The following ARPP21 variants were observed in gnomAD, a reference collection of about 807,000 sequenced individuals.
The protein encoded by ARPP21 is cAMP regulated phosphoprotein 21, also known as cAMP-regulated phosphoprotein 21.
A neutral mutation model predicts 113.2 loss-of-function variants in ARPP21; 69 were observed. That is an observed-to-expected ratio of 0.61 (90% CI 0.50 to 0.74). The LOEUF is 0.74. ARPP21 is among the 30% of genes least tolerant of loss of function. The probability of loss-of-function intolerance (pLI) is 0.00; values close to 1 mark genes in which losing one functional copy is unlikely to be tolerated. For synonymous variants in ARPP21, 368 were observed against 375.5 expected (o/e 0.98, Z 0.23); for missense variants, 1,070 against 1,037.4 (o/e 1.03, Z -0.43).
At chr3:35,747,489 T>C (rs933927625) in intron 19 of ARPP21, among the ~76,000 whole-genome samples, 3 of 152,068 alleles carry the variant, frequency 2.0e-5, no homozygotes, top group Non-Finnish European at 2.9e-5. Flanking sequence ...AATTTACAAA[T>C]ATCTCCAACA....
intron 17 of ARPP21, among the ~76,000 whole-genome samples, chr3:35,738,911 T>C (rs1431677685): frequency 1.3e-5 from 2 of 152,066 alleles, no homozygotes; most frequent in African/African-American, 2.4e-5. Flanking sequence ...GGATGATGAG[T>C]ATAGTTGGTT....
chr3:35,698,737 A>C (rs2085057386), intron 9 of ARPP21, among the ~76,000 whole-genome samples: 1 of 151,662 alleles, frequency 6.6e-6, no homozygotes, highest in Non-Finnish European at 1.5e-5. Context: ...TAAACCAAGC[A>C]CTGTTCTTTA....
At chr3:35,663,378 A>G (rs530981184) in intron 1 of ARPP21, among the ~76,000 whole-genome samples, 3 of 152,342 alleles carry the variant, frequency 2.0e-5, no homozygotes, top group African/African-American at 7.2e-5. Flanking sequence ...ACTGAAGCCC[A>G]GTCTGGGCGC....
chr3:35,685,645 T>C, intron 5 of ARPP21: 11 of 985,126 alleles, frequency 1.1e-5, no homozygotes, highest in Non-Finnish European at 1.3e-5. Flanking sequence ...GGAAAAACTC[T>C]TGCTACCTGT....
chr3:35,685,055 A>T, intron 5 of ARPP21: 1 of 985,152 alleles, frequency 1.0e-6, no homozygotes, highest in Non-Finnish European at 1.2e-6. Flanking sequence ...CACACAATAT[A>T]TGTTAACTCT....
At chr3:35,712,248 C>CT (rs952950194) in intron 11 of ARPP21, among the ~76,000 whole-genome samples, 1 of 152,162 alleles carries the variant, frequency 6.6e-6, no homozygotes, top group Non-Finnish European at 1.5e-5. Context: ...GAACTCTAAT[C>CT]TTTTTCATAG....
chr3:35,757,176 C>A (rs1027581902), intron 19 of ARPP21, among the ~76,000 whole-genome samples: 42 of 150,754 alleles, frequency 2.8e-4, no homozygotes, highest in Admixed American at 2.8e-3. Flanking sequence ...AGCCTCCTAC[C>A]TTAGCCTGAG....
intron 12 of ARPP21, among the ~76,000 whole-genome samples, chr3:35,716,796 T>A (rs2092465512): frequency 6.6e-6 from 1 of 151,958 alleles, no homozygotes; most frequent in South Asian, 2.1e-4. Context: ...TGTTGGATTA[T>A]ATCCCACATT....
chr3:35,763,046 A>G (rs2095839236), intron 19 of ARPP21, among the ~76,000 whole-genome samples: 1 of 152,086 alleles, frequency 6.6e-6, no homozygotes, highest in Non-Finnish European at 1.5e-5. Flanking sequence ...CAGAGGCTAC[A>G]ATGGGGTACA....
chr3:35,791,902 C>T (rs971905451), intron 19 of ARPP21, among the ~76,000 whole-genome samples: 1 of 152,104 alleles, frequency 6.6e-6, no homozygotes, highest in African/African-American at 2.4e-5. Context: ...TAGAATTTAT[C>T]CAAAGTTAAT....
chr3:35,729,326 G>A lies in ARPP21; in HGVS notation c.1249G>A (p.Gly417Ser), dbSNP rs2093780238. 1 of 1,614,082 alleles carries A rather than the reference G, an allele frequency of 6.2e-7. No individual in the cohort carries two copies. ...AGGTTCCGAGTCTTCCAGCAGTGCA[G>A]GCTCCTCAGGATCGCTGTCCCGCAC... is the stretch of plus-strand genomic sequence containing the variant. ...KAGSESSSSA[G>S]SSGSLSRTHP... is the part of the protein sequence containing the mutation. Residue 417 changes from glycine to serine, a missense_variant, in exon 15 of 21, where the codon GGC becomes AGC. Coordinates refer to ENST00000684406, the MANE Select transcript of ARPP21 (RefSeq NM_001385562.1).
intron 11 of ARPP21, among the ~76,000 whole-genome samples, chr3:35,712,587 T>C (rs1448411712): frequency 6.6e-6 from 1 of 151,588 alleles, no homozygotes; most frequent in African/African-American, 2.4e-5. Context: ...TGTGTGTGTA[T>C]GTGTTTGTGT....
chr3:35,650,107 A>G (rs1194551669), intron 1 of ARPP21: 1 of 152,134 alleles, frequency 6.6e-6, no homozygotes, highest in Non-Finnish European at 1.5e-5. Flanking sequence ...GGCTTTAGGA[A>G]CATGTAGAAA....
intron 19 of ARPP21, among the ~76,000 whole-genome samples, chr3:35,779,586 C>CAAA (rs5847898): frequency 1.4e-5 from 2 of 146,348 alleles, no homozygotes; most frequent in African/African-American, 5.0e-5. Context: ...TAGTGAGGGT[C>CAAA]AAAAAAAAAA....
intron 19 of ARPP21, among the ~76,000 whole-genome samples, chr3:35,748,658 G>A (rs1349306207): frequency 1.3e-5 from 2 of 152,232 alleles, no homozygotes; most frequent in Admixed American, 6.5e-5. Flanking sequence ...ATATTGAAAT[G>A]AAGTGTTGAT....
rs6785123 is a variant in ARPP21 at position 35,772,882 on chromosome 3, C to G, written c.2138-19500C>G. On this transcript the variant is annotated intron_variant, in intron 19 of 20. Transcript: ENST00000684406. ...TGTGCCAGAGTCTGGATCAGCTGCT[C>G]TTACAGAATTGCACTCCTATAACAC... Among the ~76,000 whole-genome samples the G allele has an allele frequency of 1.3e-3, 196 of 152,246 alleles. 1 individual carries two copies. Among genetic ancestry groups the G allele is most frequent in the African/African-American group, 4.4e-3 (181 of 41,550 alleles).
chr3:35,727,521 A>G (rs1281334350), intron 14 of ARPP21, among the ~76,000 whole-genome samples: 2 of 152,218 alleles, frequency 1.3e-5, no homozygotes, highest in African/African-American at 4.8e-5. Context: ...TTATGTTCCT[A>G]TCACTTATTT....
At chr3:35,753,043 T>A (rs1159658673) in intron 19 of ARPP21, among the ~76,000 whole-genome samples, 1 of 113,304 alleles carries the variant, frequency 8.8e-6, no homozygotes, top group Non-Finnish European at 1.7e-5. Context: ...TGGCAGGAAG[T>A]GTGTGTGTGT....
chr3:35,776,807 C>T (rs1253226686), intron 19 of ARPP21, among the ~76,000 whole-genome samples: 2 of 152,064 alleles, frequency 1.3e-5, no homozygotes, highest in Admixed American at 1.3e-4. Flanking sequence ...AATCACTGCT[C>T]TCCCAGGGAT....
Sources: allele counts gnomAD v4.1 joint callset (sites outside exome capture counted in the v4.1 genomes callset), GRCh38; gene constraint gnomAD v4.1.1; transcripts MANE v1.5; gene names NCBI Gene and HGNC (gene_info 2026-07-23, HGNC 2026-07-21).